PEBP4: variants seen among roughly 807,000 people sequenced by gnomAD.
PEBP4 encodes phosphatidylethanolamine binding protein 4.
PEBP4 carries 22 observed loss-of-function variants against 23.9 expected under a neutral mutation model. The ratio of observed to expected loss-of-function variants is 0.92; its 90% CI spans 0.66 to 1.31. The LOEUF (loss-of-function observed/expected upper bound fraction) is 1.31. PEBP4 is among the 40% of genes most tolerant of loss of function. The pLI is 0.00. For synonymous variants in PEBP4, 112 were observed against 99.3 expected (o/e 1.13, Z -0.76); for missense variants, 324 against 281.7 (o/e 1.15, Z -1.07).
chr8:22,749,557 T>A (rs1210264188), intron 4 of PEBP4, among the ~76,000 whole-genome samples: 1 of 152,194 alleles, frequency 6.6e-6, no homozygotes, highest in Non-Finnish European at 1.5e-5. Flanking sequence ...ATGGCCCTCG[T>A]TTGCTCACTG....
At chr8:22,821,846 G>T (rs1007494703) in intron 3 of PEBP4, among the ~76,000 whole-genome samples, 1 of 152,014 alleles carries the variant, frequency 6.6e-6, no homozygotes, top group African/African-American at 2.4e-5. Context: ...TTAGCTGGGC[G>T]TGGTGGCGGG....
chr8:22,939,606 C>T lies in PEBP4; in HGVS notation c.145-11886G>A, dbSNP rs114742514. 4.2e-3 allele frequency among the ~76,000 whole-genome samples: 630 copies of T among 151,778 alleles called. 4 individuals are homozygous for T. Among genetic ancestry groups the T allele is most frequent in the African/African-American group, 0.015 (606 of 41,358 alleles). On this transcript the variant is annotated intron_variant, in intron 1 of 1. Coordinates refer to the PEBP4 transcript ENST00000522278. ...GGAATGCTCTGTTACAGGGTATCTG[C>T]ACTTGCTGTTGTTTTAAGAGATGTT...
intron 3 of PEBP4, among the ~76,000 whole-genome samples, chr8:22,861,661 C>G (rs1419223347): frequency 2.0e-5 from 3 of 152,210 alleles, no homozygotes; most frequent in African/African-American, 7.2e-5. Context: ...TGTCAGGGAT[C>G]TATTTTCTGT....
intron 3 of PEBP4, among the ~76,000 whole-genome samples, chr8:22,879,999 C>T (rs537249352): frequency 3.3e-5 from 5 of 152,132 alleles, no homozygotes; most frequent in African/African-American, 1.2e-4. Context: ...AAATATTGTT[C>T]CTTTTGATCT....
intron 3 of PEBP4, among the ~76,000 whole-genome samples, chr8:22,819,399 G>T (rs559398896): frequency 1.3e-5 from 2 of 152,176 alleles, no homozygotes; most frequent in South Asian, 2.1e-4. Flanking sequence ...CTGTTATCAC[G>T]ATAAGACCAG....
intron 3 of PEBP4, among the ~76,000 whole-genome samples, chr8:22,878,787 A>T (rs1319528153): frequency 6.6e-6 from 1 of 152,226 alleles, no homozygotes; most frequent in African/African-American, 2.4e-5. Context: ...GCTGGATGCC[A>T]AGGGGAAAAT....
chr8:22,912,699 T>C (rs1193916108), intron 3 of PEBP4, among the ~76,000 whole-genome samples: 2 of 152,194 alleles, frequency 1.3e-5, no homozygotes, highest in African/African-American at 2.4e-5. Context: ...AACATCTAAC[T>C]GCAAAGGTTA....
At chr8:22,808,571 C>A (rs28416455) in intron 4 of PEBP4, among the ~76,000 whole-genome samples, 3,551 of 152,250 alleles carry the variant, frequency 0.023, 141 homozygotes, top group African/African-American at 0.081. Context: ...AGCAGCACAG[C>A]GGGACTGACT....
At chr8:22,724,392 A>T (rs530232550) in intron 6 of PEBP4, among the ~76,000 whole-genome samples, 4 of 152,328 alleles carry the variant, frequency 2.6e-5, no homozygotes, top group African/African-American at 9.6e-5. Flanking sequence ...CATCACTGAG[A>T]TGGCACAGCC....
At chr8:22,899,307 C>G (rs938343765) in intron 3 of PEBP4, among the ~76,000 whole-genome samples, 4 of 152,254 alleles carry the variant, frequency 2.6e-5, no homozygotes, top group African/African-American at 9.6e-5. Context: ...ACCCAAGGTT[C>G]TGCAGGCAAG....
intron 3 of PEBP4, among the ~76,000 whole-genome samples, chr8:22,872,968 C>G (rs753055112): frequency 3.4e-4 from 51 of 152,132 alleles, no homozygotes; most frequent in Middle Eastern, 3.2e-3. Flanking sequence ...TGAGCCACCA[C>G]GCCCAGCCTA....
At chr8:22,920,825 C>G (rs1224220207) in intron 2 of PEBP4, among the ~76,000 whole-genome samples, 1 of 152,224 alleles carries the variant, frequency 6.6e-6, no homozygotes, top group Admixed American at 6.5e-5. Flanking sequence ...TGCCTGAAAT[C>G]CCACCATTAG....
intron 4 of PEBP4, among the ~76,000 whole-genome samples, chr8:22,749,772 C>T (rs1300446649): frequency 7.0e-6 from 1 of 143,072 alleles, no homozygotes; most frequent in Non-Finnish European, 1.5e-5. Context: ...TGTGGATCTA[C>T]AACCCACCTC....
intron 4 of PEBP4, among the ~76,000 whole-genome samples, chr8:22,734,418 T>G (rs979882278): frequency 1.3e-5 from 2 of 152,188 alleles, no homozygotes; most frequent in Non-Finnish European, 2.9e-5. Flanking sequence ...GCTGAGTACT[T>G]CTAGACTCCA....
At chr8:22,897,645 G>A (rs1455132413) in intron 3 of PEBP4, 1 of 152,038 alleles carries the variant, frequency 6.6e-6, no homozygotes, top group East Asian at 1.9e-4. Context: ...TCTATCTCCA[G>A]TCCAGATGTT....
chr8:22,852,401 C>G (rs1807568548), intron 3 of PEBP4, among the ~76,000 whole-genome samples: 2 of 152,112 alleles, frequency 1.3e-5, no homozygotes, highest in East Asian at 3.9e-4. Context: ...CGGCACCCTC[C>G]CATCTTCAAC....
chr8:22,837,613 C>G (rs757911984), intron 3 of PEBP4, among the ~76,000 whole-genome samples: 1 of 152,204 alleles, frequency 6.6e-6, no homozygotes, highest in Non-Finnish European at 1.5e-5. Context: ...CCCACACAGA[C>G]GGAGGATGTT....
At chr8:22,767,942 C>T (rs954872245) in intron 4 of PEBP4, among the ~76,000 whole-genome samples, 1 of 152,092 alleles carries the variant, frequency 6.6e-6, no homozygotes, top group African/African-American at 2.4e-5. Flanking sequence ...TTTCTCCAGG[C>T]CAGGCTGGTC....
rs528085749 is a variant in PEBP4 at position 22,749,556 on chromosome 8, G to A, written c.358-22336C>T. Among the ~76,000 whole-genome samples the A allele has an allele frequency of 4.6e-5, 7 of 152,274 alleles. No individual in the cohort carries two copies. In the East Asian group the frequency reaches 5.8e-4, roughly 13 times the overall value. On this transcript the variant is annotated intron_variant, in intron 4 of 6. Coordinates refer to ENST00000256404, the MANE Select transcript of PEBP4 (RefSeq NM_144962.3). ...GGATCAGCTCTCTGAGATGGCCCTC[G>A]TTTGCTCACTGTCTGAACAGAGCAT...
Sources: gnomAD v4.1 joint callset for allele counts (sites outside exome capture counted in the v4.1 genomes callset) on GRCh38, gnomAD v4.1.1 for gene constraint, MANE v1.5 for transcripts, NCBI Gene and HGNC (gene_info 2026-07-23, HGNC 2026-07-21) for gene names.